Variants in PCDHA5 observed in about 807,000 individuals in gnomAD.
PCDHA5 encodes protocadherin alpha 5, also known as protocadherin alpha-5.
PCDHA5 carries 43 observed loss-of-function variants against 61.6 expected under a neutral mutation model. The observed-to-expected ratio is 0.70, with a 90% CI of 0.55 to 0.90. The LOEUF (loss-of-function observed/expected upper bound fraction) is 0.90. Ranked by LOEUF, PCDHA5 falls within the 40% of genes least tolerant of loss-of-function variation. PCDHA5 has a pLI of 0.00. For missense variants in PCDHA5, 1,298 were observed against 1,222.7 expected, an observed-to-expected ratio of 1.06 and a Z score of -0.92; for synonymous variants, 627 against 543.9, an observed-to-expected ratio of 1.15 and a Z score of -2.13.
intron 1 of PCDHA5, chr5:140,841,944 A>G (rs1554138658): frequency 6.2e-7 from 1 of 1,613,794 alleles, no homozygotes; most frequent in African/African-American, 1.3e-5. Context: ...GCTCCTGCGC[A>G]CCACTTATTC....
At chr5:140,998,274 T>C (rs2097804171) in intron 3 of PCDHA5, among the ~76,000 whole-genome samples, 1 of 152,162 alleles carries the variant, frequency 6.6e-6, no homozygotes, top group African/African-American at 2.4e-5. Flanking sequence ...CTGACACCCA[T>C]AGGATTAAAT....
At chr5:140,882,481 C>T in intron 1 of PCDHA5, 2 of 1,614,038 alleles carry the variant, frequency 1.2e-6, no homozygotes, top group Middle Eastern at 1.7e-4. Flanking sequence ...CCAAAAGACA[C>T]GGGGACCTTC....
At chr5:140,841,592 G>C (rs2150318717) in intron 1 of PCDHA5, 1 of 1,614,096 alleles carries the variant, frequency 6.2e-7, no homozygotes, top group African/African-American at 1.3e-5. Context: ...TTCTCGGATC[G>C]ACCGCGAGGA....
rs2150127652 is a variant in PCDHA5, at chr5:140,823,634, C to T, written c.1859C>T (p.Pro620Leu). 143 of 1,613,942 alleles carry T rather than the reference C, an allele frequency of 8.9e-5. 1 individual carries two copies. Among genetic ancestry groups the T allele is most frequent in the Middle Eastern group, 1.6e-4 (1 of 6,080 alleles). The change falls in exon 1 of 4, where the codon CCG becomes CTG. Residue 620 changes from proline to leucine, a missense_variant. Transcript: ENST00000529859. Reference protein sequence around the residue: ...LQPAPGSARIPFRVGLYTGEI... With the variant: ...LQPAPGSARILFRVGLYTGEI... ...CCAGCGCCTGGCAGTGCGCGCATCC[C>T]GTTCCGCGTGGGGCTGTACACAGGC...
At chr5:140,925,932 A>G (rs1202634955) in intron 1 of PCDHA5, among the ~76,000 whole-genome samples, 1 of 150,196 alleles carries the variant, frequency 6.7e-6, no homozygotes, top group African/African-American at 2.5e-5. Flanking sequence ...TCCCAAGTAG[A>G]GCCTCTTGGA....
chr5:140,976,819 T>C (rs1380206599), intron 1 of PCDHA5, among the ~76,000 whole-genome samples: 3 of 152,222 alleles, frequency 2.0e-5, no homozygotes, highest in Admixed American at 2.0e-4. Flanking sequence ...TATGCATGTG[T>C]CTAATGAGCA....
intron 1 of PCDHA5, chr5:140,852,854 AT>A: frequency 1.0e-6 from 1 of 963,700 alleles, no homozygotes; most frequent in Non-Finnish European, 1.3e-6. Context: ...CTTACTAAGC[AT>A]TTACTATGTC....
At chr5:140,955,590 C>CTT (rs1554221986) in intron 1 of PCDHA5, among the ~76,000 whole-genome samples, 2 of 152,132 alleles carry the variant, frequency 1.3e-5, no homozygotes, top group East Asian at 3.9e-4. Context: ...AAACCTCTTT[C>CTT]TTTTATAAAT....
chr5:140,870,345 C>T (rs782253040), intron 1 of PCDHA5: 7 of 1,614,066 alleles, frequency 4.3e-6, no homozygotes, highest in South Asian at 2.2e-5. Flanking sequence ...CCCTGGACCG[C>T]GAGAACGTGT....
At chr5:140,923,275 C>CA (rs1328074482) in intron 1 of PCDHA5, among the ~76,000 whole-genome samples, 5 of 152,128 alleles carry the variant, frequency 3.3e-5, no homozygotes, top group African/African-American at 9.7e-5. Flanking sequence ...CTTGTCTCTA[C>CA]AAAAAATTAA....
rs1482950920 is a variant in PCDHA5 at position 140,867,382 on chromosome 5, CG to C, written c.2352+43257del. On this transcript the variant is annotated intron_variant, in intron 1 of 3. Coordinates refer to ENST00000529859, the MANE Select transcript of PCDHA5 (RefSeq NM_018908.3). ...TTTTACAGATGCGTAATGGAATTAA[CG>C]GTTATAAAAGTTGATATGTCTCCTT... 4 of 152,124 alleles carry C rather than the reference CG, an allele frequency of 2.6e-5. No individual in the cohort carries two copies. In the East Asian group the frequency reaches 7.7e-4, roughly 29 times the overall value. 9.4% of individuals were successfully genotyped at this position (152,124 alleles called of 1,614,324 possible).
intron 1 of PCDHA5, chr5:140,865,310 G>T (rs1315373536): frequency 3.9e-5 from 6 of 152,276 alleles, no homozygotes; most frequent in African/African-American, 1.4e-4. Flanking sequence ...AATTACAAAT[G>T]AGATGGCCTT....
At chr5:140,923,221 TTTGAGCCCAGAA>T (rs1584298069) in intron 1 of PCDHA5, among the ~76,000 whole-genome samples, 1 of 71,862 alleles carries the variant, frequency 1.4e-5, no homozygotes, top group Non-Finnish European at 3.3e-5. Flanking sequence ...GAAAGGATCG[TTTGAGCCCAGAA>T]GTTTGAGACC....
chr5:140,888,628 T>C (rs2061913275), intron 1 of PCDHA5, among the ~76,000 whole-genome samples: 1 of 152,242 alleles, frequency 6.6e-6, no homozygotes, highest in Admixed American at 6.5e-5. Flanking sequence ...TTCGGCCTTC[T>C]ATTACAGCAA....
intron 1 of PCDHA5, among the ~76,000 whole-genome samples, chr5:140,886,624 G>A (rs1204732273): frequency 6.6e-6 from 1 of 151,636 alleles, no homozygotes; most frequent in African/African-American, 2.4e-5. Context: ...TCAGGAGTCC[G>A]AGACCAGCCT....
chr5:140,860,428 T>C (rs1198179293), intron 1 of PCDHA5: 11 of 152,026 alleles, frequency 7.2e-5, no homozygotes, highest in Admixed American at 6.5e-4. Flanking sequence ...ATCCTGCAAA[T>C]ATGATCTTTT....
At position 140,942,403 on chromosome 5, in the gene PCDHA5, T is replaced by A. The variant is rs184466711; in HGVS notation, c.2353-36546T>A. Among the ~76,000 whole-genome samples the A allele has an allele frequency of 2.8e-3, 421 of 151,284 alleles. 2 individuals are homozygous for A. The highest frequency in any genetic ancestry group is 0.014 in the Middle Eastern group (4 of 294). The stretch of plus-strand genomic sequence containing the variant: ...TTCCAGCCTGGGCGACAGATGAGAC[T>A]CTGTTTAAAAAAAAAAAAGATATCT... On this transcript the variant is annotated intron_variant, in intron 1 of 3. Transcript: ENST00000529859.
chr5:140,871,292 CGT>C (rs781959716), intron 1 of PCDHA5: 2 of 1,613,890 alleles, frequency 1.2e-6, no homozygotes, highest in Non-Finnish European at 1.7e-6. Flanking sequence ...ACTGAGGGCG[CGT>C]GCGCGCCGGG....
At position 140,855,056 on chromosome 5, in the gene PCDHA5, G is replaced by A. The variant is rs1045590902; in HGVS notation, c.2352+30929G>A. The stretch of plus-strand genomic sequence containing the variant: ...GATTTTTCTGTAATAGTACTTTTCT[G>A]TTTTCTTAAATACAGAAACCACCAC... On this transcript the variant is annotated intron_variant, in intron 1 of 3. Coordinates refer to ENST00000529859, the MANE Select transcript of PCDHA5 (RefSeq NM_018908.3). Among the ~76,000 whole-genome samples, 11 of 149,630 alleles carry A rather than the reference G, an allele frequency of 7.4e-5. 2 individuals are homozygous for A. The highest frequency in any genetic ancestry group is 1.6e-4 in the Non-Finnish European group (11 of 66,976).
Sources: allele counts gnomAD v4.1 joint callset (sites outside exome capture counted in the v4.1 genomes callset), GRCh38; gene constraint gnomAD v4.1.1; transcripts MANE v1.5; gene names NCBI Gene and HGNC (gene_info 2026-07-23, HGNC 2026-07-21).